The following ASTN2 variants were observed in gnomAD, a reference collection of about 807,000 sequenced individuals.
The protein encoded by ASTN2 is astrotactin 2.
Under a neutral mutation model 139.8 loss-of-function variants are expected in ASTN2, and 54 were observed. The observed-to-expected ratio is 0.39, with a 90% CI of 0.31 to 0.48. ASTN2 has a LOEUF of 0.48. ASTN2 is among the 20% of genes least tolerant of loss of function. The pLI is 0.95. For synonymous variants in ASTN2, 756 were observed against 719.5 expected (o/e 1.05, Z -0.81); for missense variants, 1,565 against 1,725.1 (o/e 0.91, Z 1.64).
chr9:116,775,647 AGGAAG>A (rs1830066871), intron 13 of ASTN2, among the ~76,000 whole-genome samples: 1 of 104,868 alleles, frequency 9.5e-6, no homozygotes, highest in Non-Finnish European at 1.9e-5. Context: ...GAAAAAGGAC[AGGAAG>A]GGAAGGGAAG....
At chr9:117,221,063 C>G (rs1025182132) in intron 2 of ASTN2, among the ~76,000 whole-genome samples, 6 of 152,220 alleles carry the variant, frequency 3.9e-5, no homozygotes, top group African/African-American at 1.4e-4. Flanking sequence ...TTAATAAACA[C>G]ATCCAGAAGC....
At chr9:117,071,791 C>T (rs1002406047) in intron 5 of ASTN2, among the ~76,000 whole-genome samples, 4 of 151,838 alleles carry the variant, frequency 2.6e-5, no homozygotes, top group Admixed American at 1.3e-4. Flanking sequence ...CGTCCGTCAC[C>T]CCTTTCTTTG....
At chr9:116,586,895 T>A (rs532938211) in intron 19 of ASTN2, among the ~76,000 whole-genome samples, 2 of 149,934 alleles carry the variant, frequency 1.3e-5, no homozygotes, top group South Asian at 4.2e-4. Context: ...CTTAATGAGA[T>A]CTTTATGGAC....
chr9:117,315,248 A>G (rs546945819), intron 1 of ASTN2, among the ~76,000 whole-genome samples: 1 of 152,302 alleles, frequency 6.6e-6, no homozygotes, highest in African/African-American at 2.4e-5. Flanking sequence ...TATTTCAAGG[A>G]ACAAGCACAG....
intron 17 of ASTN2, among the ~76,000 whole-genome samples, chr9:116,632,205 A>AAAGACAG (rs767242462): frequency 2.2e-5 from 1 of 45,302 alleles, no homozygotes; most frequent in Non-Finnish European, 3.8e-5. Flanking sequence ...AGAAAGAAAG[A>AAAGACAG]AAAGAAAGAA....
rs138694140 is a variant in ASTN2 at position 117,299,819 on chromosome 9, A to C, written c.443-8306T>G. ...GTGAATGGGTGAATGGATGGACCAC[A>C]GTCATTCTGACTTAATTAAACAGCC... On this transcript the variant is annotated intron_variant, in intron 1 of 22. Transcript: ENST00000313400. Among the ~76,000 whole-genome samples, 1,238 of 152,340 alleles carry C rather than the reference A, an allele frequency of 8.1e-3. 14 individuals carry two copies. Among genetic ancestry groups the C allele is most frequent in the African/African-American group, 0.028 (1,160 of 41,572 alleles).
chr9:116,840,776 G>T (rs984845632), intron 11 of ASTN2, among the ~76,000 whole-genome samples: 2 of 148,504 alleles, frequency 1.3e-5, no homozygotes, highest in Non-Finnish European at 3.0e-5. Flanking sequence ...CATCTCAGAC[G>T]ATGGGCGGCA....
intron 3 of ASTN2, among the ~76,000 whole-genome samples, chr9:117,148,184 T>G (rs1392914662): frequency 1.3e-5 from 2 of 152,184 alleles, no homozygotes. Flanking sequence ...GTGAGAAATC[T>G]CACTCGAGTT....
chr9:116,486,576 T>G (rs568234897), intron 20 of ASTN2, among the ~76,000 whole-genome samples: 4 of 152,204 alleles, frequency 2.6e-5, no homozygotes, highest in Non-Finnish European at 4.4e-5. Context: ...AAGCTCAACT[T>G]CGTAACAACT....
At chr9:117,106,817 C>A (rs950828149) in intron 4 of ASTN2, among the ~76,000 whole-genome samples, 1 of 151,910 alleles carries the variant, frequency 6.6e-6, no homozygotes, top group Non-Finnish European at 1.5e-5. Context: ...TATCTATATA[C>A]CGATACATTT....
intron 1 of ASTN2, among the ~76,000 whole-genome samples, chr9:117,340,293 C>T (rs760618832): frequency 6.5e-5 from 9 of 138,678 alleles, no homozygotes; most frequent in Non-Finnish European, 1.4e-4. Flanking sequence ...GATTGCGCCA[C>T]CGCACTCCAG....
In ASTN2 at chr9:116,885,700, A is replaced by C. The variant is rs959267612; in HGVS notation, c.1890-21967T>G. On this transcript the variant is annotated intron_variant, in intron 10 of 22. Coordinates refer to ENST00000313400, the MANE Select transcript of ASTN2 (RefSeq NM_001365068.1). ...AAAACAAAACAAACAAACAAAAAAA[A>C]ACCTCTTATCTCTAAATAGTCACTT... Among the ~76,000 whole-genome samples, 4 of 152,096 alleles carry C rather than the reference A, an allele frequency of 2.6e-5. No individual in the cohort carries two copies. In the East Asian group the frequency reaches 7.7e-4, roughly 29 times the overall value.
intron 10 of ASTN2, among the ~76,000 whole-genome samples, chr9:116,884,284 G>T (rs1047332960): frequency 6.6e-6 from 1 of 152,112 alleles, no homozygotes; most frequent in Admixed American, 6.5e-5. Context: ...AAGAGAAGGG[G>T]ATTCAAGTCC....
intron 11 of ASTN2, among the ~76,000 whole-genome samples, chr9:116,827,705 G>A (rs549167740): frequency 1.3e-5 from 2 of 152,098 alleles, no homozygotes; most frequent in Admixed American, 6.6e-5. Context: ...CTCCTGAACC[G>A]AACAATAATG....
chr9:117,332,432 A>G (rs1020074201), intron 1 of ASTN2, among the ~76,000 whole-genome samples: 2 of 152,096 alleles, frequency 1.3e-5, no homozygotes, highest in Admixed American at 6.6e-5. Context: ...TTAGCTGGGT[A>G]TGGTGGCACA....
At chr9:117,401,119 C>A (rs906847585) in intron 1 of ASTN2, among the ~76,000 whole-genome samples, 3 of 152,144 alleles carry the variant, frequency 2.0e-5, no homozygotes. Flanking sequence ...GAATCCTCCT[C>A]CTAATAAAAA....
At chr9:117,391,875 G>C (rs1006768291) in intron 1 of ASTN2, among the ~76,000 whole-genome samples, 1 of 152,116 alleles carries the variant, frequency 6.6e-6, no homozygotes, top group African/African-American at 2.4e-5. Context: ...TTCCAAATGG[G>C]AGAAATTGGC....
intron 11 of ASTN2, among the ~76,000 whole-genome samples, chr9:116,833,898 G>A (rs765340127): frequency 6.6e-6 from 1 of 152,104 alleles, no homozygotes; most frequent in Non-Finnish European, 1.5e-5. Context: ...ACAAGAAGAG[G>A]ATGGGAGACC....
intron 3 of ASTN2, among the ~76,000 whole-genome samples, chr9:117,154,419 A>G (rs1381608913): frequency 6.6e-6 from 1 of 152,032 alleles, no homozygotes; most frequent in African/African-American, 2.4e-5. Context: ...AGGATCCTGA[A>G]TTGGAAACTC....
Sources: gnomAD v4.1 joint callset for allele counts (sites outside exome capture counted in the v4.1 genomes callset) on GRCh38, gnomAD v4.1.1 for gene constraint, MANE v1.5 for transcripts, NCBI Gene and HGNC (gene_info 2026-07-23, HGNC 2026-07-21) for gene names.